Variants in FHIT observed in about 807,000 individuals in gnomAD.
FHIT encodes fragile histidine triad diadenosine triphosphatase.
In FHIT, 19 loss-of-function variants were observed where a neutral mutation model predicts 17.9. The ratio of observed to expected loss-of-function variants is 1.06; its 90% CI spans 0.74 to 1.56. The LOEUF (loss-of-function observed/expected upper bound fraction) is 1.56. Among genes scored for constraint, FHIT ranks in the 40% most tolerant of loss-of-function variants. The pLI is 0.00. For synonymous variants in FHIT, 81 were observed against 69.7 expected, an observed-to-expected ratio of 1.16 and a Z score of -0.81; for missense variants, 248 against 189.2, an observed-to-expected ratio of 1.31 and a Z score of -1.82.
intron 5 of FHIT, among the ~76,000 whole-genome samples, chr3:60,173,915 A>ATATATATATATATATATTT: frequency 7.5e-5 from 5 of 66,440 alleles, no homozygotes; most frequent in Non-Finnish European, 1.1e-4. Context: ...ATATATATAT[A>ATATATATATATATATATTT]TGTTTTTTTT....
rs553621545 is a variant in FHIT, at chr3:60,743,856, G to T, written c.-18+78063C>A. Among the ~76,000 whole-genome samples, 3 of 152,278 alleles carry T rather than the reference G, an allele frequency of 2.0e-5. No individual in the cohort carries two copies. The South Asian group carries it at 6.2e-4, about 32-fold the overall frequency. On this transcript the variant is annotated intron_variant, in intron 4 of 9. Transcript: ENST00000492590. ...TGGTTCTCTTTCACGGGGTTTTTTTGTCTCTCAGCTCAGCTCGCTCTGTTT... is the reference window on the plus strand; with the variant it reads ...TGGTTCTCTTTCACGGGGTTTTTTTTTCTCTCAGCTCAGCTCGCTCTGTTT...
At chr3:60,856,258 G>T (rs920844103) in intron 3 of FHIT, 1 of 152,158 alleles carries the variant, frequency 6.6e-6, no homozygotes, top group Non-Finnish European at 1.5e-5. Flanking sequence ...ACAGATCTGG[G>T]GGGGAAAGGG....
chr3:60,409,281 A>C (rs1377166863), intron 5 of FHIT, among the ~76,000 whole-genome samples: 1 of 152,184 alleles, frequency 6.6e-6, no homozygotes, highest in Non-Finnish European at 1.5e-5. Context: ...GCACTACTGA[A>C]AACATAAATC....
At chr3:60,564,931 T>C (rs1258766768) in intron 4 of FHIT, among the ~76,000 whole-genome samples, 2 of 152,136 alleles carry the variant, frequency 1.3e-5, no homozygotes, top group East Asian at 3.9e-4. Flanking sequence ...TGCTATTAAA[T>C]AGCATTACAT....
rs774587337 is a variant in FHIT at position 60,315,801 on chromosome 3, G to T, written c.103+221059C>A. On this transcript the variant is annotated intron_variant, in intron 5 of 9. Coordinates refer to ENST00000492590, the MANE Select transcript of FHIT (RefSeq NM_002012.4). ...GGACAAATGCACTCATTTCTCTTGG[G>T]TATATACCTAGAAGTAAAGTTGCTG... 3.9e-5 allele frequency among the ~76,000 whole-genome samples: 6 copies of T among 152,122 alleles called. No individual in the cohort carries two copies. In the East Asian group the frequency reaches 5.8e-4, roughly 15 times the overall value.
intron 5 of FHIT, among the ~76,000 whole-genome samples, chr3:60,100,475 C>A (rs1559632010): frequency 6.6e-6 from 1 of 152,096 alleles, no homozygotes; most frequent in African/African-American, 2.4e-5. Context: ...TTGGCCAAGT[C>A]CAGAATTGTG....
intron 4 of FHIT, among the ~76,000 whole-genome samples, chr3:60,784,686 G>C (rs1328532527): frequency 2.0e-5 from 3 of 152,136 alleles, no homozygotes; most frequent in Admixed American, 2.0e-4. Context: ...TAAAGCCTAG[G>C]GGAGGTTATG....
chr3:60,201,307 C>T (rs954005009), intron 5 of FHIT, among the ~76,000 whole-genome samples: 1 of 152,076 alleles, frequency 6.6e-6, no homozygotes, highest in African/African-American at 2.4e-5. Flanking sequence ...CTAAATTCTA[C>T]ATTGTGGGTT....
At chr3:60,462,469 G>A (rs1385598064) in intron 5 of FHIT, among the ~76,000 whole-genome samples, 1 of 152,184 alleles carries the variant, frequency 6.6e-6, no homozygotes, top group African/African-American at 2.4e-5. Flanking sequence ...GTCCTCGACA[G>A]AAAGGCATGG....
chr3:60,610,347 G>A (rs1247212870), intron 4 of FHIT, among the ~76,000 whole-genome samples: 1 of 151,908 alleles, frequency 6.6e-6, no homozygotes, highest in Non-Finnish European at 1.5e-5. Flanking sequence ...ATGATATTAG[G>A]GTTTAATTCT....
At chr3:60,630,934 TAA>T (rs1202134208) in intron 4 of FHIT, among the ~76,000 whole-genome samples, 75 of 93,390 alleles carry the variant, frequency 8.0e-4, no homozygotes, top group Middle Eastern at 5.4e-3. Context: ...CCCAGGTCAT[TAA>T]AAAAAAAAAA....
chr3:60,330,985 G>A (rs1436688960), intron 5 of FHIT, among the ~76,000 whole-genome samples: 1 of 152,158 alleles, frequency 6.6e-6, no homozygotes, highest in Non-Finnish European at 1.5e-5. Context: ...AGGGACAAAT[G>A]TGACCACAAC....
chr3:60,614,823 TTTTTTTTGTTTTTTTTTTG>T (rs1553675139), intron 4 of FHIT, among the ~76,000 whole-genome samples: 2 of 83,810 alleles, frequency 2.4e-5, no homozygotes, highest in Non-Finnish European at 6.4e-5. Flanking sequence ...TTTTTTTGTT[TTTTTTTTGTTTTTTTTTTG>T]TTTTTTGAGA....
chr3:59,906,699 T>C (rs1261331321), intron 8 of FHIT, among the ~76,000 whole-genome samples: 3 of 152,222 alleles, frequency 2.0e-5, no homozygotes, highest in African/African-American at 7.2e-5. Context: ...TTTCCAAAGA[T>C]ATTAGGATCT....
intron 8 of FHIT, among the ~76,000 whole-genome samples, chr3:59,829,863 A>G (rs566002837): frequency 1.3e-5 from 2 of 152,100 alleles, no homozygotes; most frequent in Non-Finnish European, 2.9e-5. Flanking sequence ...CTAGAGAGCC[A>G]CCAGTCCCTT....
intron 4 of FHIT, among the ~76,000 whole-genome samples, chr3:60,673,549 C>T (rs2040556674): frequency 6.6e-6 from 1 of 152,036 alleles, no homozygotes; most frequent in Non-Finnish European, 1.5e-5. Flanking sequence ...GGAGGGAGAG[C>T]ATCAGGATAA....
intron 5 of FHIT, among the ~76,000 whole-genome samples, chr3:60,299,140 G>T (rs10155027): frequency 0.13 from 20,426 of 152,022 alleles, 1,513 homozygotes; most frequent in African/African-American, 0.18. Flanking sequence ...CAGCCGTGAC[G>T]ATCCTCAAGC....
At chr3:59,993,911 T>C (rs1699396521) in intron 7 of FHIT, among the ~76,000 whole-genome samples, 1 of 152,042 alleles carries the variant, frequency 6.6e-6, no homozygotes, top group Admixed American at 6.6e-5. Context: ...ATAATATTGA[T>C]AGTGTTAATA....
chr3:60,606,178 T>A (rs1030358550), intron 4 of FHIT, among the ~76,000 whole-genome samples: 10 of 152,230 alleles, frequency 6.6e-5, no homozygotes, highest in African/African-American at 1.9e-4. Context: ...CTAATGGATG[T>A]TTACTATAGC....
Sources: gnomAD v4.1 joint callset for allele counts (sites outside exome capture counted in the v4.1 genomes callset) on GRCh38, gnomAD v4.1.1 for gene constraint, MANE v1.5 for transcripts, NCBI Gene and HGNC (gene_info 2026-07-23, HGNC 2026-07-21) for gene names.